Variants in DYNLL1 observed in about 807,000 individuals in gnomAD.
The protein encoded by DYNLL1 is dynein light chain 1, cytoplasmic.
Under a neutral mutation model 10.1 loss-of-function variants are expected in DYNLL1, and 3 were observed. That is an observed-to-expected ratio of 0.30 (90% CI 0.14 to 0.77). The LOEUF is 0.77. DYNLL1 is among the 30% of genes least tolerant of loss of function. The probability of loss-of-function intolerance (pLI) is 0.66; values close to 1 mark genes in which losing one functional copy is unlikely to be tolerated. For synonymous variants in DYNLL1, 46 were observed against 41.2 expected, an observed-to-expected ratio of 1.12 and a Z score of -0.45; for missense variants, 47 against 111.7, an observed-to-expected ratio of 0.42 and a Z score of 2.61.
upstream of DYNLL1, chr12:120,491,103 C>G (rs185595180): frequency 6.6e-6 from 1 of 152,472 alleles, no homozygotes; most frequent in African/African-American, 2.4e-5. Flanking sequence ...AAAGTCTGTT[C>G]CTTTAATGTC....
At chr12:120,495,137 C>G (rs1879232859), upstream of DYNLL1, 1 of 152,196 alleles carries the variant, frequency 6.6e-6, no homozygotes, top group Admixed American at 6.5e-5. Flanking sequence ...ACTTGTCCCT[C>G]AACTCCCCCA....
chr12:120,485,839 T>TAAAAA (rs749971979), intron 1 of DYNLL1, among the ~76,000 whole-genome samples: 2 of 76,248 alleles, frequency 2.6e-5, no homozygotes, highest in Non-Finnish European at 4.8e-5. Flanking sequence ...AGTCCCTGTC[T>TAAAAA]AAAAAAAAAA....
chr12:120,479,195 C>T (rs1878822334), intron 1 of DYNLL1, among the ~76,000 whole-genome samples: 1 of 150,174 alleles, frequency 6.7e-6, no homozygotes, highest in African/African-American at 2.4e-5. Flanking sequence ...GGCGCGGTGG[C>T]TCACGCCTGT....
rs71076619 is a variant in DYNLL1 at position 120,487,272 on chromosome 12, C to CTTTTTTTTT, written c.-6-9114_-6-9106dup. 4.0e-5 allele frequency among the ~76,000 whole-genome samples: 2 copies of CTTTTTTTTT among 50,416 alleles called. 1 individual carries two copies. The highest frequency in any genetic ancestry group is 1.8e-4 in the African/African-American group (2 of 11,360). 33.1% of individuals were successfully genotyped at this position (50,416 alleles called of 152,430 possible). A position where few individuals can be genotyped will look rare whatever the true frequency, so the allele number is the denominator to read the frequency against. On this transcript the variant is annotated intron_variant, in intron 1 of 2. Transcript: ENST00000392509. ...ACAGGCGTAAGCCACCGTGCCCGGC[C>CTTTTTTTTT]TTTTTTTTTTTTTTTTTTTTTTTTT... is the stretch of plus-strand genomic sequence containing the variant.
upstream of DYNLL1, among the ~76,000 whole-genome samples, chr12:120,494,696 T>TGG (rs1737999445): frequency 6.6e-6 from 1 of 152,136 alleles, no homozygotes; most frequent in African/African-American, 2.4e-5. Context: ...GCTCAAGCGA[T>TGG]CCCCTTGACT....
At chr12:120,479,688 C>T (rs1270758083) in intron 1 of DYNLL1, among the ~76,000 whole-genome samples, 1 of 151,930 alleles carries the variant, frequency 6.6e-6, no homozygotes, top group Non-Finnish European at 1.5e-5. Flanking sequence ...GCATTCCAGA[C>T]AGAAAGAAAG....
chr12:120,473,118 T>G (rs1428313231), intron 1 of DYNLL1, among the ~76,000 whole-genome samples: 1 of 152,156 alleles, frequency 6.6e-6, no homozygotes. Context: ...AGAGTACAGT[T>G]GTGATAAGGA....
chr12:120,476,904 G>A (rs1878765875), intron 1 of DYNLL1, among the ~76,000 whole-genome samples: 2 of 150,536 alleles, frequency 1.3e-5, no homozygotes, highest in South Asian at 2.1e-4. Flanking sequence ...GAGCCACCGC[G>A]CCCGGACTTT....
intron 1 of DYNLL1, among the ~76,000 whole-genome samples, chr12:120,482,809 T>C (rs994258244): frequency 1.8e-4 from 27 of 152,028 alleles, no homozygotes; most frequent in Admixed American, 9.2e-4. Flanking sequence ...TGAGACAGAA[T>C]AGACAGCCCA....
At chr12:120,482,582 A>G (rs983348972) in intron 1 of DYNLL1, among the ~76,000 whole-genome samples, 1 of 152,128 alleles carries the variant, frequency 6.6e-6, no homozygotes, top group Non-Finnish European at 1.5e-5. Context: ...TCGGCCTCCC[A>G]AAGTGCTGGG....
At chr12:120,470,389 CA>C (rs1878619728) in intron 1 of DYNLL1, among the ~76,000 whole-genome samples, 1 of 152,108 alleles carries the variant, frequency 6.6e-6, no homozygotes, top group Admixed American at 6.6e-5. Flanking sequence ...CCCACCTTGG[CA>C]CTTACTTTTC....
chr12:120,469,888 C>T (rs905683686), exon 1 of DYNLL1: 8 of 230,862 alleles, frequency 3.5e-5, no homozygotes, highest in South Asian at 1.8e-4. Flanking sequence ...GTGTGGATGC[C>T]ATCCCCGAGC....
chr12:120,483,068 G>A (rs113621426), intron 1 of DYNLL1, among the ~76,000 whole-genome samples: 4,394 of 152,038 alleles, frequency 0.029, 220 homozygotes, highest in African/African-American at 0.1. Flanking sequence ...GGCCAGGCAC[G>A]GTGGCTTACA....
chr12:120,494,528 G>A (rs914539523), upstream of DYNLL1, among the ~76,000 whole-genome samples: 2 of 152,086 alleles, frequency 1.3e-5, no homozygotes, highest in Admixed American at 6.6e-5. Context: ...CACCCGCCTC[G>A]GCCTCCCAAA....
At chr12:120,486,272 T>G (rs1275568899) in intron 1 of DYNLL1, among the ~76,000 whole-genome samples, 1 of 152,150 alleles carries the variant, frequency 6.6e-6, no homozygotes, top group Non-Finnish European at 1.5e-5. Flanking sequence ...GCTAATGAAA[T>G]AATACCTTTG....
chr12:120,478,105 TTTG>T (rs1296512516), intron 1 of DYNLL1, among the ~76,000 whole-genome samples: 6 of 149,864 alleles, frequency 4.0e-5, no homozygotes, highest in South Asian at 4.2e-4. Flanking sequence ...AGTTTTTTTT[TTTG>T]TTGTTGTTTT....
chr12:120,475,542 C>G (rs1289350072), intron 1 of DYNLL1, among the ~76,000 whole-genome samples: 1 of 152,116 alleles, frequency 6.6e-6, no homozygotes, highest in African/African-American at 2.4e-5. Flanking sequence ...AGCACTGTCC[C>G]ACAGAACTTT....
At chr12:120,486,888 T>C (rs1879005970) in intron 1 of DYNLL1, among the ~76,000 whole-genome samples, 1 of 152,130 alleles carries the variant, frequency 6.6e-6, no homozygotes, top group African/African-American at 2.4e-5. Context: ...AGTGGCCCTC[T>C]GATCATATGA....
At chr12:120,474,194 G>A (rs1878707015) in intron 1 of DYNLL1, among the ~76,000 whole-genome samples, 1 of 150,720 alleles carries the variant, frequency 6.6e-6, no homozygotes, top group Non-Finnish European at 1.5e-5. Flanking sequence ...CAGCTACTTG[G>A]GAGGCTGAGG....
Sources: gnomAD v4.1 joint callset for allele counts (sites outside exome capture counted in the v4.1 genomes callset) on GRCh38, gnomAD v4.1.1 for gene constraint, MANE v1.5 for transcripts, NCBI Gene and HGNC (gene_info 2026-07-23, HGNC 2026-07-21) for gene names.